Variants in MFAP3L observed in about 807,000 individuals in gnomAD.
MFAP3L encodes the protein microfibrillar-associated protein 3-like.
A neutral mutation model predicts 20.0 loss-of-function variants in MFAP3L; 5 were observed. That is an observed-to-expected ratio of 0.25 (90% CI 0.13 to 0.53). MFAP3L has a LOEUF of 0.53. Ranked by LOEUF, MFAP3L falls within the 20% of genes least tolerant of loss-of-function variation. The pLI is 0.96. For missense variants in MFAP3L, 409 were observed against 527.5 expected, an observed-to-expected ratio of 0.78 and a Z score of 2.20; for synonymous variants, 219 against 213.0, an observed-to-expected ratio of 1.03 and a Z score of -0.25.
At position 170,005,736 on chromosome 4, in the gene MFAP3L, C is replaced by T. The variant is rs546733917; in HGVS notation, c.142G>A (p.Val48Ile). 62 of 1,614,190 alleles carry T rather than the reference C, an allele frequency of 3.8e-5. No individual in the cohort carries two copies. The East Asian group carries it at 6.5e-4, about 17-fold the overall frequency. Reference protein sequence around the residue: ...GTNVVLGSVPVIIARTDHIIV... With the variant: ...GTNVVLGSVPIIIARTDHIIV... ...ATATGGTCAGTTCTGGCAATGATTACGGGCACAGAGCCCAAGACCACGTTA... is the reference window on the plus strand; with the variant it reads ...ATATGGTCAGTTCTGGCAATGATTATGGGCACAGAGCCCAAGACCACGTTA... Residue 48 changes from valine (V) to isoleucine (I), a missense_variant, in exon 2 of 3, where the codon GTA (valine) becomes ATA (isoleucine). Physicochemically the swap from Val to Ile is conservative, Grantham distance 29 (BLOSUM62 3). This residue lies in a region of MFAP3L where 113 missense variants were observed against 131.1 expected (regional missense o/e 0.86). Transcript: ENST00000361618.
Position 169,991,421 on chromosome 4 carries a change from G to A in MFAP3L, c.1187C>T (p.Thr396Ile). The change falls in exon 3 of 3, where the codon ACA becomes ATA. Residue 396 changes from threonine (T) to isoleucine (I), a missense_variant. By Grantham distance (89) the Thr-to-Ile change is moderately conservative. Transcript: ENST00000361618. This position sits in a 1 kb window ranked among gnomAD's most constrained non-coding sequence, Gnocchi z 4.9. ...AATAATGCAGGTGTTTTTGTCATGT[G>A]TCACTGCTGGCTCTGTGGCTTCCAG... Reference protein sequence around the residue: ...AYLEATEPAVTHDKNTCIIYE... With the variant: ...AYLEATEPAVIHDKNTCIIYE... 6.2e-7 allele frequency: 1 copy of A among 1,614,112 alleles called. No individual in the cohort carries two copies. Among genetic ancestry groups the A allele is most frequent in the Non-Finnish European group, 8.5e-7 (1 of 1,180,002 alleles).
intron 1 of MFAP3L, among the ~76,000 whole-genome samples, chr4:170,014,412 T>C (rs577301736): frequency 6.6e-5 from 10 of 152,342 alleles, no homozygotes; most frequent in Admixed American, 3.3e-4. Context: ...CTGATGGATG[T>C]CTGGAAGCCT....
chr4:170,000,749 G>A (rs928030658), intron 2 of MFAP3L, among the ~76,000 whole-genome samples: 4 of 152,152 alleles, frequency 2.6e-5, no homozygotes, highest in Non-Finnish European at 5.9e-5. Flanking sequence ...TGTTGAGATA[G>A]GATCTTGCTA....
In MFAP3L at chr4:169,988,209, AAG is replaced by A. The variant is rs1737405259; in HGVS notation, c.*3167_*3168del. 1 of 152,210 alleles carries A rather than the reference AAG, an allele frequency of 6.6e-6. No homozygotes were observed. Among genetic ancestry groups the A allele is most frequent in the Non-Finnish European group, 1.5e-5 (1 of 68,022 alleles). 9.4% of individuals were successfully genotyped at this position (152,210 alleles called of 1,614,324 possible). On this transcript the variant is annotated 3_prime_UTR_variant, in exon 3 of 3. Transcript: ENST00000361618. Reference sequence around the variant, plus strand: ...CTTTTTGCTAAGTATGGTATACAAAAAGATGAGGATAGATGTGCCCTAGAGAT... The same window carrying A: ...CTTTTTGCTAAGTATGGTATACAAAAATGAGGATAGATGTGCCCTAGAGAT...
chr4:170,024,119 A>AT (rs1740203941), intron 1 of MFAP3L, among the ~76,000 whole-genome samples: 1 of 152,042 alleles, frequency 6.6e-6, no homozygotes, highest in Non-Finnish European at 1.5e-5. Context: ...TACAAAGTCT[A>AT]TTTTTTTCTT....
intron 1 of MFAP3L, among the ~76,000 whole-genome samples, chr4:170,024,214 C>A (rs751622693): frequency 2.0e-5 from 3 of 152,046 alleles, no homozygotes; most frequent in Non-Finnish European, 4.4e-5. Flanking sequence ...CTTTTTGAAG[C>A]CAAGGGCAGT....
upstream of MFAP3L, chr4:170,027,220 C>CCT (rs1554003672): frequency 1.1e-4 from 15 of 133,016 alleles, no homozygotes; most frequent in East Asian, 2.3e-3. Flanking sequence ...CCTTATCTCC[C>CCT]TTTTTTTTTT....
chr4:170,005,879 T>A lies in MFAP3L; in HGVS notation c.-2A>T, dbSNP rs558940925. 21 of 1,612,674 alleles carry A rather than the reference T, an allele frequency of 1.3e-5. No homozygotes were observed. Among genetic ancestry groups the A allele is most frequent in the Non-Finnish European group, 1.6e-5 (19 of 1,178,874 alleles). On this transcript the variant is annotated 5_prime_UTR_variant, in exon 2 of 3. In the 5' UTR this introduces an upstream ATG that the reference lacks. Coordinates refer to ENST00000361618, the MANE Select transcript of MFAP3L (RefSeq NM_021647.8). ...CAGATGGCTCTTCAATCGATCCATC[T>A]TCTTTGCTTGCTCTGTAAGGCAATA...
Position 169,991,281 on chromosome 4 carries a change from G to T in MFAP3L, c.*97C>A. ...CATCACTCCTACCTAAGGGATGAGA[G>T]TCTCCTGGTAAGGCTTAGCGGCAAG... is the stretch of plus-strand genomic sequence containing the variant. On this transcript the variant is annotated 3_prime_UTR_variant, in exon 3 of 3. Coordinates refer to ENST00000361618, the MANE Select transcript of MFAP3L (RefSeq NM_021647.8). This position sits in a 1 kb window ranked among gnomAD's most constrained non-coding sequence, Gnocchi z 4.9. 1 of 1,288,202 alleles carries T rather than the reference G, an allele frequency of 7.8e-7. No homozygotes were observed. The highest frequency in any genetic ancestry group is 1.1e-6 in the Non-Finnish European group (1 of 933,954). The allele number at this position is 1,288,202 out of a possible 1,614,324, so 79.8% of individuals were successfully genotyped here. A position where few individuals can be genotyped will look rare whatever the true frequency, so the allele number is the denominator to read the frequency against.
intron 1 of MFAP3L, among the ~76,000 whole-genome samples, chr4:170,024,303 T>C (rs1422873766): frequency 6.6e-6 from 1 of 152,200 alleles, no homozygotes; most frequent in East Asian, 1.9e-4. Flanking sequence ...TTAGGATTTG[T>C]GGATCGAGAA....
chr4:170,008,942 T>C lies in MFAP3L; in HGVS notation c.-133-2932A>G, dbSNP rs1739207487. On this transcript the variant is annotated intron_variant, in intron 1 of 2. Coordinates refer to ENST00000361618, the MANE Select transcript of MFAP3L (RefSeq NM_021647.8). ...CACTTGCTGTATGAAGCCATGCTTA[T>C]ATGGAATCCAACGGCAATTATTTAA... Among the ~76,000 whole-genome samples, 4 of 152,336 alleles carry C rather than the reference T, an allele frequency of 2.6e-5. No individual in the cohort carries two copies. The South Asian group carries it at 8.3e-4, about 32-fold the overall frequency.
intron 1 of MFAP3L, among the ~76,000 whole-genome samples, chr4:170,025,428 C>T (rs1185907438): frequency 6.6e-6 from 1 of 152,160 alleles, no homozygotes; most frequent in African/African-American, 2.4e-5. Flanking sequence ...GCTAAGTATC[C>T]TTAAAAATAA....
At chr4:170,003,899 G>T in intron 2 of MFAP3L, 1 of 955,110 alleles carries the variant, frequency 1.0e-6, no homozygotes, top group Non-Finnish European at 1.2e-6. Context: ...CAAAACCAGT[G>T]TGGGCTAGGG....
At chr4:170,027,144 T>TA (rs1730502187), upstream of MFAP3L, 1 of 151,774 alleles carries the variant, frequency 6.6e-6, no homozygotes, top group African/African-American at 2.4e-5. Context: ...TAGAGTACTC[T>TA]AAAATTATTA....
At chr4:170,011,050 G>T (rs4692782) in intron 1 of MFAP3L, among the ~76,000 whole-genome samples, 32,621 of 152,052 alleles carry the variant, frequency 0.21, 4,112 homozygotes, top group East Asian at 0.65. Context: ...AGATCTAACG[G>T]TTTTATAAAT....
chr4:169,994,759 G>A, intron 2 of MFAP3L, among the ~76,000 whole-genome samples: 1 of 152,200 alleles, frequency 6.6e-6, no homozygotes. Context: ...ATGTCTAACA[G>A]ATAAATTATT....
At chr4:169,995,731 G>A (rs1738103855) in intron 2 of MFAP3L, among the ~76,000 whole-genome samples, 1 of 152,152 alleles carries the variant, frequency 6.6e-6, no homozygotes, top group South Asian at 2.1e-4. Context: ...CGCGAAGTGG[G>A]GATACACAGT....
At chr4:170,024,209 T>C (rs1740210529) in intron 1 of MFAP3L, among the ~76,000 whole-genome samples, 1 of 152,246 alleles carries the variant, frequency 6.6e-6, no homozygotes, top group South Asian at 2.1e-4. Flanking sequence ...GTGGACTTTT[T>C]GAAGCCAAGG....
At chr4:170,025,195 CTT>C in intron 1 of MFAP3L, among the ~76,000 whole-genome samples, 1 of 152,300 alleles carries the variant, frequency 6.6e-6, no homozygotes. Flanking sequence ...ACTGTTATAA[CTT>C]ACGGTCTCAT....
Sources: gnomAD v4.1 joint callset for allele counts (sites outside exome capture counted in the v4.1 genomes callset) on GRCh38, gnomAD v4.1.1 for gene constraint, gnomAD v4.1.1 regional missense constraint, Gnocchi (gnomAD v3.1) non-coding constraint, MANE v1.5 for transcripts, NCBI Gene and HGNC (gene_info 2026-07-23, HGNC 2026-07-21) for gene names.